DNAH1: variants seen among roughly 807,000 people sequenced by gnomAD.
DNAH1 encodes dynein axonemal heavy chain 1.
A neutral mutation model predicts 484.3 loss-of-function variants in DNAH1; 327 were observed. The ratio of observed to expected loss-of-function variants is 0.68; its 90% confidence interval spans 0.62 to 0.74. The LOEUF is 0.74. Ranked by LOEUF, DNAH1 falls within the 30% of genes least tolerant of loss-of-function variation. DNAH1 has a pLI of 0.00. For missense variants in DNAH1, 5,052 were observed against 5,546.8 expected, an observed-to-expected ratio of 0.91 and a Z score of 2.83; for synonymous variants, 2,192 against 2,191.9, an observed-to-expected ratio of 1.00 and a Z score of 0.00.
At chr3:52,344,131 G>A (rs1210994312) in intron 8 of DNAH1, among the ~76,000 whole-genome samples, 1 of 152,204 alleles carries the variant, frequency 6.6e-6, no homozygotes, top group East Asian at 1.9e-4. Context: ...GCAGCAGGCG[G>A]GGGTGCTGCA....
chr3:52,364,276 C>T lies in DNAH1; in HGVS notation c.5245-362C>T, dbSNP rs1449512888. Among the ~76,000 whole-genome samples the T allele has an allele frequency of 1.3e-5, 2 of 152,250 alleles. No homozygotes were observed. Among genetic ancestry groups the T allele is most frequent in the Non-Finnish European group, 2.9e-5 (2 of 68,052 alleles). On this transcript the variant is annotated intron_variant, in intron 32 of 77. Transcript: ENST00000420323. This position sits in a 1 kb window ranked among gnomAD's most constrained non-coding sequence, Gnocchi z 4.2. ...TATGGGAGAATGTTAGAAGGAAGCT[C>T]AAGGGCCATCAAGGCCAAGCTGATT... is the stretch of plus-strand genomic sequence containing the variant.
At chr3:52,342,758 G>A (rs537448979) in intron 8 of DNAH1, among the ~76,000 whole-genome samples, 20 of 152,318 alleles carry the variant, frequency 1.3e-4, no homozygotes, top group African/African-American at 4.1e-4. Flanking sequence ...GGGGGCAAGC[G>A]AGGAACAGGG....
In DNAH1 at chr3:52,386,152, A is replaced by G. The variant is rs1219512843; in HGVS notation, c.8626-8A>G. ...GGGGGAGGACATCCCTATGTCTCCCATCCCCAGGTGGATACGGCCATCGCC... is the reference window on the plus strand; with the variant it reads ...GGGGGAGGACATCCCTATGTCTCCCGTCCCCAGGTGGATACGGCCATCGCC... On this transcript the variant is annotated splice_region_variant and splice_polypyrimidine_tract_variant and intron_variant, in intron 54 of 77. Coordinates refer to ENST00000420323, the MANE Select transcript of DNAH1 (RefSeq NM_015512.5). 1.9e-6 allele frequency: 3 copies of G among 1,610,070 alleles called. No homozygotes were observed. Among genetic ancestry groups the G allele is most frequent in the Admixed American group, 1.7e-5 (1 of 59,698 alleles).
At position 52,388,948 on chromosome 3, in the gene DNAH1, C is replaced by A. The variant is rs538571008; in HGVS notation, c.9495+11C>A. 1 of 1,584,120 alleles carries A rather than the reference C, an allele frequency of 6.3e-7. No individual in the cohort carries two copies. Among genetic ancestry groups the A allele is most frequent in the African/African-American group, 1.3e-5 (1 of 74,610 alleles). ...CTGGGCCCCTTCACGGTAAGAAGTC[C>A]CCACCTCTGTCTCTGACCAGCCTCG... On this transcript the variant is annotated intron_variant, in intron 59 of 77. Coordinates refer to ENST00000420323, the MANE Select transcript of DNAH1 (RefSeq NM_015512.5).
chr3:52,343,215 A>G (rs1257452171), intron 8 of DNAH1, among the ~76,000 whole-genome samples: 1 of 152,292 alleles, frequency 6.6e-6, no homozygotes, highest in East Asian at 1.9e-4. Context: ...ATAAAGAAAC[A>G]CAAAGAGATA....
rs757897522 is a variant in DNAH1 at position 52,358,554 on chromosome 3, G to T, written c.4087-4G>T. ...CCCCACTCCTGCTCCTCCACTGCTT[G>T]CAGCTGCTATTCCAGGAGGACCTGG... On this transcript the variant is annotated splice_region_variant and splice_polypyrimidine_tract_variant and intron_variant, in intron 24 of 77. Coordinates refer to ENST00000420323, the MANE Select transcript of DNAH1 (RefSeq NM_015512.5). The surrounding 1 kb of genome is among the most constrained non-coding windows in gnomAD (Gnocchi z 4.2). 1.2e-6 allele frequency: 2 copies of T among 1,603,350 alleles called. No homozygotes were observed. The highest frequency in any genetic ancestry group is 2.2e-5 in the South Asian group (2 of 89,420).
At chr3:52,330,571 G>A (rs993419465) in intron 6 of DNAH1, among the ~76,000 whole-genome samples, 5 of 152,230 alleles carry the variant, frequency 3.3e-5, no homozygotes, top group Admixed American at 3.3e-4. Context: ...AGAGAAATGA[G>A]TGAGGGGCAG....
At chr3:52,351,455 G>A (rs1381774591) in intron 16 of DNAH1, among the ~76,000 whole-genome samples, 2 of 152,174 alleles carry the variant, frequency 1.3e-5, no homozygotes, top group Non-Finnish European at 2.9e-5. Context: ...TGGGTGCTCA[G>A]GGGGAACTCC....
In DNAH1 at chr3:52,383,390, A is replaced by C; in HGVS notation, c.7946A>C (p.Lys2649Thr). The change falls in exon 51 of 78, where the codon AAG (lysine) becomes ACG (threonine). Residue 2649 changes from lysine (K) to threonine (T), a missense_variant. Physicochemically the swap from Lys to Thr is moderately conservative, Grantham distance 78 (BLOSUM62 -1). Coordinates refer to ENST00000420323, the MANE Select transcript of DNAH1 (RefSeq NM_015512.5). The stretch of plus-strand genomic sequence containing the variant: ...CACTCCTTCACCCCTCCCCAGATCA[A>C]GAACGAATCCTTCCTGGAAGATATC... ...ITFLFSDTQI[K>T]NESFLEDINN... 3.1e-6 allele frequency: 5 copies of C among 1,613,706 alleles called. No individual in the cohort carries two copies. Among genetic ancestry groups the C allele is most frequent in the Non-Finnish European group, 4.2e-6 (5 of 1,179,742 alleles).
At position 52,392,375 on chromosome 3, in the gene DNAH1, G is replaced by A. The variant is rs560495737; in HGVS notation, c.10053-89G>A. 45 of 1,234,572 alleles carry A rather than the reference G, an allele frequency of 3.6e-5. No individual in the cohort carries two copies. The East Asian group carries it at 9.8e-4, about 27-fold the overall frequency. The allele number at this position is 1,234,572 out of a possible 1,614,324, so 76.5% of individuals were successfully genotyped here. A position where few individuals can be genotyped will look rare whatever the true frequency, so the allele number is the denominator to read the frequency against. On this transcript the variant is annotated intron_variant, in intron 63 of 77. Coordinates refer to ENST00000420323, the MANE Select transcript of DNAH1 (RefSeq NM_015512.5). Reference sequence around the variant, plus strand: ...AGGATGCTGGGCTCTTGGAGCCCCAGAAGCACAGGTGGATGGGTGACCAGG... The same window carrying A: ...AGGATGCTGGGCTCTTGGAGCCCCAAAAGCACAGGTGGATGGGTGACCAGG...
Position 52,353,434 on chromosome 3 carries a change from A to G in DNAH1, c.3281A>G (p.Tyr1094Cys), listed in dbSNP as rs1234058778. The change falls in exon 20 of 78, where the codon TAC becomes TGC. Residue 1094 changes from tyrosine to cysteine, a missense_variant. By Grantham distance (194) the Tyr-to-Cys change is radical (BLOSUM62 -2). Around this residue, in one of 4 missense-constraint regions of DNAH1, gnomAD observed 2,929 missense variants for 3,409.4 expected, o/e 0.86. Transcript: ENST00000420323. The surrounding 1 kb of genome is among the most constrained non-coding windows in gnomAD (Gnocchi z 5.0). Reference protein sequence around the residue: ...IRARIEEFKPYIPLIQGLRNP... With the variant: ...IRARIEEFKPCIPLIQGLRNP... ...GCCCGCATCGAGGAGTTCAAACCAT[A>G]CATCCCACTGATCCAGGGGCTGCGC... 1 of 1,613,928 alleles carries G rather than the reference A, an allele frequency of 6.2e-7. No individual in the cohort carries two copies. Among genetic ancestry groups the G allele is most frequent in the Non-Finnish European group, 8.5e-7 (1 of 1,179,892 alleles).
rs1229484541 is a variant in DNAH1, at chr3:52,364,905, T to C, written c.5404T>C (p.Ser1802Pro). The C allele has an allele frequency of 6.2e-7, 1 of 1,613,990 alleles. No individual in the cohort carries two copies. Reference protein sequence around the residue: ...KFLQEDLKLFSGIVSDLFPTI... With the variant: ...KFLQEDLKLFPGIVSDLFPTI... The stretch of plus-strand genomic sequence containing the variant: ...CCTGCAGGAGGACCTCAAGCTCTTC[T>C]CTGGCATCGTGTCCGACCTGTTTCC... Residue 1802 changes from serine (S) to proline (P), a missense_variant, in exon 34 of 78, where the codon TCT becomes CCT. Transcript: ENST00000420323. The surrounding 1 kb of genome is among the most constrained non-coding windows in gnomAD (Gnocchi z 4.2).
chr3:52,319,978 A>C (rs1701085759), intron 1 of DNAH1, among the ~76,000 whole-genome samples: 2 of 152,216 alleles, frequency 1.3e-5, no homozygotes, highest in South Asian at 2.1e-4. Flanking sequence ...GCAACCCTGC[A>C]GTTTCCTGGA....
chr3:52,389,374 C>A, intron 59 of DNAH1, 87 bp from the exon 60 acceptor site: 2 of 1,571,360 alleles, frequency 1.3e-6, no homozygotes, highest in Non-Finnish European at 8.7e-7. Flanking sequence ...CAGATCTCTG[C>A]AACTGCCAAG....
chr3:52,397,795 A>G lies in DNAH1; in HGVS notation c.11876A>G (p.Gln3959Arg), dbSNP rs1704702469. 2 of 1,613,666 alleles carry G rather than the reference A, an allele frequency of 1.2e-6. No individual in the cohort carries two copies. The highest frequency in any genetic ancestry group is 1.3e-5 in the African/African-American group (1 of 74,914). ...GACAATGCCAACATCACCTTTGCCC[A>G]GAACGAGACGTTCGCCCTCCTGGGC... Reference protein sequence around the residue: ...LHDNANITFAQNETFALLGTI... With the variant: ...LHDNANITFARNETFALLGTI... Residue 3959 changes from glutamine to arginine, a missense_variant, in exon 74 of 78, where the codon CAG (glutamine) becomes CGG (arginine). By Grantham distance (43) the Gln-to-Arg change is conservative. Transcript: ENST00000420323.
chr3:52,363,237 G>T (rs1226517129), intron 32 of DNAH1, 93 bp downstream of exon 32: 1 of 1,518,698 alleles, frequency 6.6e-7, no homozygotes, highest in South Asian at 1.2e-5. Context: ...CTCTATGCCC[G>T]GTGCTTTACA....
chr3:52,361,043 G>A lies in DNAH1; in HGVS notation c.4686-121G>A, dbSNP rs1045442261. ...AGTCCTGACCCCGGAGCCAGGGCTG[G>A]GCACACCCCAGCCCACCAAAAGGGG... is the stretch of plus-strand genomic sequence containing the variant. On this transcript the variant is annotated intron_variant, in intron 28 of 77. Coordinates refer to ENST00000420323, the MANE Select transcript of DNAH1 (RefSeq NM_015512.5). This position sits in a 1 kb window ranked among gnomAD's most constrained non-coding sequence, Gnocchi z 5.6. The A allele has an allele frequency of 1.3e-5, 13 of 997,008 alleles. No individual in the cohort carries two copies. Among genetic ancestry groups the A allele is most frequent in the Non-Finnish European group, 4.0e-6 (3 of 741,314 alleles). The allele number at this position is 997,008 out of a possible 1,614,324, so 61.8% of individuals were successfully genotyped here. A position where few individuals can be genotyped will look rare whatever the true frequency, so the allele number is the denominator to read the frequency against.
chr3:52,399,707 C>T lies in DNAH1; in HGVS notation c.12604C>T (p.Pro4202Ser). 1 of 1,614,040 alleles carries T rather than the reference C, an allele frequency of 6.2e-7. No individual in the cohort carries two copies. The highest frequency in any genetic ancestry group is 8.5e-7 in the Non-Finnish European group (1 of 1,179,894). ...AGAGATGGCCGTTATCTGGCTCTTG[C>T]CAACACCCAACCGCAAGGCCCAGGA... ...YTEMAVIWLL[P>S]TPNRKAQDQD... The change falls in exon 77 of 78, where the codon CCA (proline) becomes TCA (serine). Residue 4202 changes from proline (P) to serine (S), a missense_variant. Pro to Ser is a moderately conservative substitution (Grantham distance 74). This residue lies in a region of DNAH1 where 853 missense variants were observed against 899.0 expected (regional missense o/e 0.95). Transcript: ENST00000420323.
chr3:52,393,449 T>C lies in DNAH1; in HGVS notation c.10590T>C (p.Cys3530=), dbSNP rs776583735. 62 of 1,613,944 alleles carry C rather than the reference T, an allele frequency of 3.8e-5. No individual in the cohort carries two copies. Among genetic ancestry groups the C allele is most frequent in the Non-Finnish European group, 5.0e-5 (59 of 1,179,908 alleles). The change falls in exon 66 of 78, where the codon TGT becomes TGC. Residue 3530 remains cysteine (C), a synonymous_variant. Coordinates refer to ENST00000420323, the MANE Select transcript of DNAH1 (RefSeq NM_015512.5). ...AGCTGATGTTTGCCTTCCTGCTGTG[T>C]GTTCGCATCATGATGAACGAGGGCA... ...KHKLMFAFLL[C]VRIMMNEGKI... is the part of the protein sequence containing the mutation.
Sources: gnomAD v4.1 joint callset for allele counts (sites outside exome capture counted in the v4.1 genomes callset) on GRCh38, gnomAD v4.1.1 for gene constraint, gnomAD v4.1.1 regional missense constraint, Gnocchi (gnomAD v3.1) non-coding constraint, MANE v1.5 for transcripts, NCBI Gene and HGNC (gene_info 2026-07-23, HGNC 2026-07-21) for gene names.